Variants in PTPRT observed in about 807,000 individuals in gnomAD.
PTPRT encodes protein tyrosine phosphatase receptor type T, also known as receptor-type tyrosine-protein phosphatase T.
Under a neutral mutation model 176.8 loss-of-function variants are expected in PTPRT, and 56 were observed. That is an observed-to-expected ratio of 0.32 (90% confidence interval 0.26 to 0.40). The LOEUF is 0.40. Ranked by LOEUF, PTPRT falls within the 10% of genes least tolerant of loss-of-function variation. PTPRT has a pLI of 1.00. For synonymous variants in PTPRT, 783 were observed against 739.0 expected, an observed-to-expected ratio of 1.06 and a Z score of -0.96; for missense variants, 1,540 against 1,908.2, an observed-to-expected ratio of 0.81 and a Z score of 3.60.
At chr20:42,084,915 C>T (rs867264332) in intron 28 of PTPRT, 70 bp from the exon 29 acceptor site, 22 of 1,269,826 alleles carry the variant, frequency 1.7e-5, no homozygotes, top group Non-Finnish European at 2.1e-5. Flanking sequence ...GCAGATACCC[C>T]GGGGACTGCA....
intron 1 of PTPRT, among the ~76,000 whole-genome samples, chr20:42,978,598 A>T (rs1983095031): frequency 6.6e-6 from 1 of 152,306 alleles, no homozygotes; most frequent in African/African-American, 2.4e-5. Flanking sequence ...CTGCATTCCC[A>T]GACGGTTAAG....
At chr20:42,219,403 GA>G (rs2055834664) in intron 15 of PTPRT, among the ~76,000 whole-genome samples, 1 of 152,124 alleles carries the variant, frequency 6.6e-6, no homozygotes, top group Admixed American at 6.6e-5. Context: ...TCAACACATA[GA>G]GCAACTCTCA....
intron 1 of PTPRT, among the ~76,000 whole-genome samples, chr20:43,122,722 T>C (rs1194050362): frequency 1.3e-5 from 2 of 152,242 alleles, no homozygotes; most frequent in African/African-American, 4.8e-5. Flanking sequence ...AACATGATTG[T>C]ATGCTTCCTG....
intron 1 of PTPRT, among the ~76,000 whole-genome samples, chr20:43,070,465 C>G (rs1430983465): frequency 6.6e-6 from 1 of 152,100 alleles, no homozygotes; most frequent in Admixed American, 6.5e-5. Context: ...CCCAGCCATC[C>G]CATTATTGAG....
At chr20:42,907,620 G>A (rs1335134696) in intron 1 of PTPRT, among the ~76,000 whole-genome samples, 1 of 152,116 alleles carries the variant, frequency 6.6e-6, no homozygotes, top group African/African-American at 2.4e-5. Context: ...AGCAGTATCC[G>A]CCAGCTGGCA....
At chr20:42,207,190 GA>G (rs1600676638) in intron 15 of PTPRT, among the ~76,000 whole-genome samples, 1 of 152,026 alleles carries the variant, frequency 6.6e-6, no homozygotes, top group Admixed American at 6.6e-5. Context: ...CAAAGATGGG[GA>G]AAAAACAGAA....
intron 7 of PTPRT, among the ~76,000 whole-genome samples, chr20:42,658,426 G>A (rs1195543803): frequency 6.6e-6 from 1 of 152,094 alleles, no homozygotes; most frequent in Non-Finnish European, 1.5e-5. Context: ...ACACTTGGGG[G>A]CCACTTAAAG....
intron 2 of PTPRT, among the ~76,000 whole-genome samples, chr20:42,804,771 T>C (rs757234898): frequency 5.9e-5 from 9 of 152,190 alleles, no homozygotes; most frequent in African/African-American, 2.2e-4. Flanking sequence ...CCTTGGGTTG[T>C]AGATGTACCC....
Position 42,947,189 on chromosome 20 carries a change from C to A in PTPRT, c.89-61257G>T, listed in dbSNP as rs1048618116. Among the ~76,000 whole-genome samples, 3 of 152,174 alleles carry A rather than the reference C, an allele frequency of 2.0e-5. No individual in the cohort carries two copies. The East Asian group carries it at 5.8e-4, about 29-fold the overall frequency. ...ACCTGCATTCCACCCAATTCCCAGCCACTCACAGGCAGCTGGCATGATGGG... is the reference window on the plus strand; with the variant it reads ...ACCTGCATTCCACCCAATTCCCAGCAACTCACAGGCAGCTGGCATGATGGG... On this transcript the variant is annotated intron_variant, in intron 1 of 30. Transcript: ENST00000373187.
chr20:42,160,039 AT>A (rs1184677463), intron 17 of PTPRT, among the ~76,000 whole-genome samples: 1 of 152,166 alleles, frequency 6.6e-6, no homozygotes, highest in African/African-American at 2.4e-5. Context: ...AGTCTGCAAT[AT>A]TAAGAATTCC....
intron 3 of PTPRT, among the ~76,000 whole-genome samples, chr20:42,788,281 G>T (rs1357618334): frequency 6.6e-6 from 1 of 152,044 alleles, no homozygotes; most frequent in African/African-American, 2.4e-5. Context: ...ACCAATGCCT[G>T]AACTGGCCTG....
At chr20:42,645,503 C>T (rs1054461970) in intron 7 of PTPRT, among the ~76,000 whole-genome samples, 2 of 152,112 alleles carry the variant, frequency 1.3e-5, no homozygotes, top group Non-Finnish European at 2.9e-5. Flanking sequence ...TTTCAGGGAT[C>T]ACCTCCGAAG....
At chr20:42,713,750 T>C (rs935272547) in intron 6 of PTPRT, among the ~76,000 whole-genome samples, 1 of 152,100 alleles carries the variant, frequency 6.6e-6, no homozygotes, top group African/African-American at 2.4e-5. Context: ...TTTAGCACCA[T>C]CCCTCTTGGT....
intron 3 of PTPRT, among the ~76,000 whole-genome samples, chr20:42,788,647 G>T (rs1403116008): frequency 6.6e-6 from 1 of 152,124 alleles, no homozygotes; most frequent in Non-Finnish European, 1.5e-5. Context: ...ACTCCTTTAA[G>T]TCTCCTGACA....
At chr20:42,942,476 C>T (rs1980617246) in intron 1 of PTPRT, among the ~76,000 whole-genome samples, 1 of 152,236 alleles carries the variant, frequency 6.6e-6, no homozygotes, top group Non-Finnish European at 1.5e-5. Context: ...TCTTACTACA[C>T]TTCACATTCA....
At chr20:42,203,479 T>A (rs933585223) in intron 15 of PTPRT, among the ~76,000 whole-genome samples, 1 of 152,164 alleles carries the variant, frequency 6.6e-6, no homozygotes, top group Admixed American at 6.6e-5. Flanking sequence ...CCACACTATT[T>A]CTCAATACTC....
intron 3 of PTPRT, among the ~76,000 whole-genome samples, chr20:42,786,199 C>T (rs1050849778): frequency 3.3e-5 from 5 of 152,130 alleles, no homozygotes; most frequent in African/African-American, 1.2e-4. Context: ...AACCTCTTTT[C>T]TTTATAAATT....
At chr20:42,738,479 A>G (rs902391271) in intron 6 of PTPRT, among the ~76,000 whole-genome samples, 2 of 151,984 alleles carry the variant, frequency 1.3e-5, no homozygotes, top group African/African-American at 4.8e-5. Flanking sequence ...ACTGCACTTC[A>G]GCCTGGGCAA....
intron 2 of PTPRT, among the ~76,000 whole-genome samples, chr20:42,863,437 G>A (rs913266038): frequency 6.6e-6 from 1 of 152,186 alleles, no homozygotes; most frequent in African/African-American, 2.4e-5. Flanking sequence ...GGGAAGGATG[G>A]TCTAGCCTTG....
Sources: gnomAD v4.1 joint callset for allele counts (sites outside exome capture counted in the v4.1 genomes callset) on GRCh38, gnomAD v4.1.1 for gene constraint, MANE v1.5 for transcripts, NCBI Gene and HGNC (gene_info 2026-07-23, HGNC 2026-07-21) for gene names.